IGF2: variants seen among roughly 807,000 people sequenced by gnomAD.
The protein encoded by IGF2 is insulin like growth factor 2, also known as insulin-like growth factor 2.
A neutral mutation model predicts 12.0 loss-of-function variants in IGF2; 2 were observed. The observed-to-expected ratio is 0.17, with a 90% CI of 0.07 to 0.52. The LOEUF (loss-of-function observed/expected upper bound fraction) is 0.52. Ranked by LOEUF, IGF2 falls within the 20% of genes least tolerant of loss-of-function variation. IGF2 has a pLI of 0.95. For synonymous variants in IGF2, 105 were observed against 110.1 expected, an observed-to-expected ratio of 0.95 and a Z score of 0.29; for missense variants, 211 against 268.0, an observed-to-expected ratio of 0.79 and a Z score of 1.48.
rs1590112841 is a variant in IGF2, at chr11:2,132,606, A to G, written c.*381T>C. 7.1e-6 allele frequency: 1 copy of G among 140,138 alleles called. No homozygotes were observed. Among genetic ancestry groups the G allele is most frequent in the African/African-American group, 3.5e-5 (1 of 28,450 alleles). The allele number at this position is 140,138 out of a possible 1,614,324, so 8.7% of individuals were successfully genotyped here. ...TTGTTTTTTTTAAAGCCAATTTCTG[A>G]GCTTTTGTGGGGTGTTTCTAAAAAG... On this transcript the variant is annotated 3_prime_UTR_variant, in exon 4 of 4. Coordinates refer to ENST00000416167, the MANE Select transcript of IGF2 (RefSeq NM_000612.6).
chr11:2,137,707 G>C (rs1384380682), intron 1 of IGF2, among the ~76,000 whole-genome samples: 1 of 152,182 alleles, frequency 6.6e-6, no homozygotes, highest in Non-Finnish European at 1.5e-5. Context: ...GCCAGAGGGG[G>C]TGTGGGGGAG....
At chr11:2,140,243 C>A (rs1196185295), upstream of IGF2, 12 of 1,613,034 alleles carry the variant, frequency 7.4e-6, no homozygotes, top group Admixed American at 1.8e-4. Flanking sequence ...CTTGCATAGA[C>A]GCGAGTTCGG....
chr11:2,138,616 C>T lies in IGF2; in HGVS notation c.-394G>A, dbSNP rs1000798667. ...GAGAGGACAGCGAGAGGCGGGCAGG[C>T]GCACAGCGGGAGAGAACAGCACGGA... On this transcript the variant is annotated 5_prime_UTR_variant, in exon 1 of 4. Coordinates refer to ENST00000416167, the MANE Select transcript of IGF2 (RefSeq NM_000612.6). 1.0e-5 allele frequency: 10 copies of T among 980,326 alleles called. No homozygotes were observed. The highest frequency in any genetic ancestry group is 1.8e-5 in the African/African-American group (1 of 55,950). The allele number at this position is 980,326 out of a possible 1,614,324, so 60.7% of individuals were successfully genotyped here.
chr11:2,138,346 G>C lies in IGF2; in HGVS notation c.-124C>G. On this transcript the variant is annotated 5_prime_UTR_variant, in exon 1 of 4. Transcript: ENST00000416167. The stretch of plus-strand genomic sequence containing the variant: ...GCGCCGCTCTGGCCGAGTCGCGGGG[G>C]CCGAATGTGCGACGGGGCAGAGCGG... 1.0e-6 allele frequency: 1 copy of C among 980,060 alleles called. No individual in the cohort carries two copies. Among genetic ancestry groups the C allele is most frequent in the Non-Finnish European group, 1.2e-6 (1 of 827,010 alleles). 60.7% of individuals were successfully genotyped at this position (980,060 alleles called of 1,614,324 possible).
chr11:2,139,929 G>A (rs74918256), upstream of IGF2, among the ~76,000 whole-genome samples: 30,154 of 152,070 alleles, frequency 0.2, 3,519 homozygotes, highest in East Asian at 0.51. Flanking sequence ...GCCCCAGCAG[G>A]AGGAGCCGGC....
rs915742054 is a variant in IGF2 at position 2,131,466 on chromosome 11, G to A, written c.*1521C>T. On this transcript the variant is annotated 3_prime_UTR_variant, in exon 4 of 4. Transcript: ENST00000416167. ...TGTGTGTGTGCAGGTGGGTGCTTGCGTGTGCAACGTGTGTGCTGCGTGTTT... is the reference window on the plus strand; with the variant it reads ...TGTGTGTGTGCAGGTGGGTGCTTGCATGTGCAACGTGTGTGCTGCGTGTTT... The A allele has an allele frequency of 2.2e-5, 5 of 231,834 alleles. No homozygotes were observed. Among genetic ancestry groups the A allele is most frequent in the East Asian group, 6.1e-5 (1 of 16,510 alleles). The allele number at this position is 231,834 out of a possible 1,614,324, so 14.4% of individuals were successfully genotyped here.
At chr11:2,142,350 T>G (rs1367458519), upstream of IGF2, among the ~76,000 whole-genome samples, 1 of 152,080 alleles carries the variant, frequency 6.6e-6, no homozygotes, top group Non-Finnish European at 1.5e-5. The surrounding 1 kb of genome is among the most constrained non-coding windows in gnomAD (Gnocchi z 5.7). Flanking sequence ...TCAGAGTCCT[T>G]GGAGGACTTG....
At position 2,138,585 on chromosome 11, in the gene IGF2, G is replaced by C. The variant is rs1397502675; in HGVS notation, c.-363C>G. ...AAGGGGGGGGCCGAAGAGAGGGCGAGGGGGAGAGAGGACAGCGAGAGGCGG... is the reference window on the plus strand; with the variant it reads ...AAGGGGGGGGCCGAAGAGAGGGCGACGGGGAGAGAGGACAGCGAGAGGCGG... On this transcript the variant is annotated 5_prime_UTR_variant, in exon 1 of 4. Coordinates refer to ENST00000416167, the MANE Select transcript of IGF2 (RefSeq NM_000612.6). The C allele has an allele frequency of 2.2e-6, 2 of 900,252 alleles. No homozygotes were observed. The highest frequency in any genetic ancestry group is 1.8e-5 in the African/African-American group (1 of 54,694). 55.8% of individuals were successfully genotyped at this position (900,252 alleles called of 1,614,324 possible). A position where few individuals can be genotyped will look rare whatever the true frequency, so the allele number is the denominator to read the frequency against.
Position 2,138,712 on chromosome 11 carries a change from G to T in IGF2, c.-490C>A. 3.2e-6 allele frequency: 2 copies of T among 631,314 alleles called. No homozygotes were observed. Among genetic ancestry groups the T allele is most frequent in the Non-Finnish European group, 3.9e-6 (2 of 513,580 alleles). The allele number at this position is 631,314 out of a possible 1,614,324, so 39.1% of individuals were successfully genotyped here. A position where few individuals can be genotyped will look rare whatever the true frequency, so the allele number is the denominator to read the frequency against. On this transcript the variant is annotated 5_prime_UTR_variant, in exon 1 of 4. Coordinates refer to ENST00000416167, the MANE Select transcript of IGF2 (RefSeq NM_000612.6). ...CGAGAGGGCGGGCGTGAGGGGGGGA[G>T]GGAGTCGGAGGCTAGGAGCTGGGGG...
upstream of IGF2, among the ~76,000 whole-genome samples, chr11:2,144,522 A>C (rs913596563): frequency 3.3e-5 from 5 of 152,070 alleles, no homozygotes; most frequent in Non-Finnish European, 7.4e-5. Flanking sequence ...AATGAGAAAC[A>C]CGGGGCCCGG....
At chr11:2,134,923 T>A (rs1395032384) in intron 2 of IGF2, among the ~76,000 whole-genome samples, 2 of 152,234 alleles carry the variant, frequency 1.3e-5, no homozygotes, top group Non-Finnish European at 2.9e-5. Flanking sequence ...TGATTTTAAT[T>A]ATATAAATCA....
At chr11:2,138,043 C>G (rs1049752983) in intron 1 of IGF2, among the ~76,000 whole-genome samples, 186 bp downstream of exon 1, 1 of 152,056 alleles carries the variant, frequency 6.6e-6, no homozygotes, top group Non-Finnish European at 1.5e-5. Context: ...CGCGGGGCTC[C>G]GCGCAGGGAA....
At position 2,133,735 on chromosome 11, in the gene IGF2, G is replaced by A; in HGVS notation, c.158-70C>T. 2 of 1,573,466 alleles carry A rather than the reference G, an allele frequency of 1.3e-6. No homozygotes were observed. The highest frequency in any genetic ancestry group is 4.6e-5 in the East Asian group (2 of 43,060). ...GACCCCAGCCCCCGGAGGCTGAAGG[G>A]GGAGCAAACCACCCCTGCCCTCAGG... On this transcript the variant is annotated intron_variant, in intron 2 of 3. Transcript: ENST00000416167. The surrounding 1 kb of genome is among the most constrained non-coding windows in gnomAD (Gnocchi z 8.9).
At chr11:2,149,467 C>A in the IGF2 span, 5 of 804,136 alleles carry the variant, frequency 6.2e-6, no homozygotes, top group South Asian at 1.7e-5. Context: ...GGGTTTACCC[C>A]TCACCTCCTC....
chr11:2,139,883 G>A (rs1859434145), upstream of IGF2, among the ~76,000 whole-genome samples: 1 of 152,142 alleles, frequency 6.6e-6, no homozygotes, highest in South Asian at 2.1e-4. Context: ...GGCTGAGGGG[G>A]CCCCTGGGCT....
chr11:2,131,770 CTT>C lies in IGF2; in HGVS notation c.*1215_*1216del, dbSNP rs1303953924. 14 of 126,264 alleles carry C rather than the reference CTT, an allele frequency of 1.1e-4. No homozygotes were observed. The highest frequency in any genetic ancestry group is 1.0e-3 in the South Asian group (3 of 2,944). The allele number at this position is 126,264 out of a possible 1,614,324, so 7.8% of individuals were successfully genotyped here. The stretch of plus-strand genomic sequence containing the variant: ...CTGTGTGTGCATGTGTGTGCTGTGT[CTT>C]TGTGTGTGTGCTGTGTGCTAGTGTG... On this transcript the variant is annotated 3_prime_UTR_variant, in exon 4 of 4. Transcript: ENST00000416167.
rs914918792 is a variant in IGF2 at position 2,131,093 on chromosome 11, C to G, written c.*1894G>C. The G allele has an allele frequency of 1.3e-5, 3 of 232,450 alleles. No individual in the cohort carries two copies. Among genetic ancestry groups the G allele is most frequent in the Non-Finnish European group, 2.5e-5 (3 of 117,900 alleles). 14.4% of individuals were successfully genotyped at this position (232,450 alleles called of 1,614,324 possible). A position where few individuals can be genotyped will look rare whatever the true frequency, so the allele number is the denominator to read the frequency against. Reference sequence around the variant, plus strand: ...GGTATGGGGAGCATCGTGGCTCACGCTGCGGGGGCCGTGGGGACAGGCGCC... The same window carrying G: ...GGTATGGGGAGCATCGTGGCTCACGGTGCGGGGGCCGTGGGGACAGGCGCC... On this transcript the variant is annotated 3_prime_UTR_variant, in exon 4 of 4. Transcript: ENST00000416167.
At chr11:2,140,344 A>C (rs1859476872), upstream of IGF2, 6 of 1,557,208 alleles carry the variant, frequency 3.9e-6, no homozygotes, top group Non-Finnish European at 5.3e-6. Context: ...ATTTTTACCA[A>C]GTCAAAAACC....
At position 2,138,888 on chromosome 11, in the gene IGF2, T is replaced by G; in HGVS notation, c.-666A>C. The G allele has an allele frequency of 1.0e-6, 1 of 983,734 alleles. No homozygotes were observed. Among genetic ancestry groups the G allele is most frequent in the Non-Finnish European group, 1.2e-6 (1 of 829,170 alleles). The allele number at this position is 983,734 out of a possible 1,614,324, so 60.9% of individuals were successfully genotyped here. The stretch of plus-strand genomic sequence containing the variant: ...GGTGACTGGGGGGCGGAGTGGAGGC[T>G]GCACCCGGACCGCGGGCGCCCAGCT... On this transcript the variant is annotated 5_prime_UTR_variant, in exon 1 of 4. Coordinates refer to ENST00000416167, the MANE Select transcript of IGF2 (RefSeq NM_000612.6).
Sources: gnomAD v4.1 joint callset for allele counts (sites outside exome capture counted in the v4.1 genomes callset) on GRCh38, gnomAD v4.1.1 for gene constraint, Gnocchi (gnomAD v3.1) non-coding constraint, MANE v1.5 for transcripts, NCBI Gene and HGNC (gene_info 2026-07-23, HGNC 2026-07-21) for gene names.